Variants in ACADSB observed in about 807,000 individuals in gnomAD.
ACADSB encodes short/branched chain specific acyl-CoA dehydrogenase, mitochondrial.
In ACADSB, 40 loss-of-function variants were observed where a neutral mutation model predicts 54.1. That is an observed-to-expected ratio of 0.74 (90% CI 0.57 to 0.96). ACADSB has a LOEUF of 0.96. ACADSB is among the 40% of genes least tolerant of loss of function. The probability of loss-of-function intolerance (pLI) is 0.00; values close to 1 mark genes in which losing one functional copy is unlikely to be tolerated. For missense variants in ACADSB, 530 were observed against 510.4 expected, an observed-to-expected ratio of 1.04 and a Z score of -0.37; for synonymous variants, 182 against 182.8, an observed-to-expected ratio of 1.00 and a Z score of 0.03.
rs185665887 is a variant in ACADSB at position 123,043,350 on chromosome 10, A to G, written c.807+179A>G. 2.1e-3 allele frequency among the ~76,000 whole-genome samples: 316 copies of G among 152,354 alleles called. 3 individuals are homozygous for G. The highest frequency in any genetic ancestry group is 7.2e-3 in the African/African-American group (298 of 41,580). On this transcript the variant is annotated intron_variant, in intron 6 of 10. Coordinates refer to ENST00000358776, the MANE Select transcript of ACADSB (RefSeq NM_001609.4). Reference sequence around the variant, plus strand: ...TGACCAGATAAATGTACTTTTCACAAAAGTGGAAACCTTTCTGCCAAGAAG... The same window carrying G: ...TGACCAGATAAATGTACTTTTCACAGAAGTGGAAACCTTTCTGCCAAGAAG...
intron 1 of ACADSB, 70 bp from the exon 2 acceptor site, chr10:123,034,286 G>A (rs1246773792): frequency 2.7e-6 from 4 of 1,500,288 alleles, no homozygotes; most frequent in Admixed American, 1.7e-5. Context: ...TATAAGAATG[G>A]GTTATAAAGT....
At position 123,041,363 on chromosome 10, in the gene ACADSB, A is replaced by T. The variant is rs1164376386; in HGVS notation, c.665A>T (p.Asn222Ile). Reference sequence around the variant, plus strand: ...GCAGGGCTCTTTCTGGTGATGGCAAATGTAGACCCTACCATTGTAAGTTTG... The same window carrying T: ...GCAGGGCTCTTTCTGGTGATGGCAATTGTAGACCCTACCATTGTAAGTTTG... ...EHAGLFLVMANVDPTIGYKGI... is the reference protein window; with the variant it reads ...EHAGLFLVMAIVDPTIGYKGI... Residue 222 changes from asparagine (N) to isoleucine (I), a missense_variant, in exon 5 of 11, where the codon AAT becomes ATT. Transcript: ENST00000358776. The T allele has an allele frequency of 6.2e-7, 1 of 1,614,184 alleles. No individual in the cohort carries two copies. The highest frequency in any genetic ancestry group is 1.3e-5 in the African/African-American group (1 of 75,052).
intron 7 of ACADSB, among the ~76,000 whole-genome samples, chr10:123,046,074 G>A (rs1474878615): frequency 6.6e-6 from 1 of 152,128 alleles, no homozygotes; most frequent in East Asian, 1.9e-4. Context: ...TCAATATAGG[G>A]TATTATTTAT....
Position 123,053,677 on chromosome 10 carries a change from T to G in ACADSB, c.1229-18T>G, listed in dbSNP as rs750743967. 2 of 1,606,136 alleles carry G rather than the reference T, an allele frequency of 1.2e-6. No individual in the cohort carries two copies. The highest frequency in any genetic ancestry group is 2.2e-5 in the South Asian group (2 of 90,926). On this transcript the variant is annotated intron_variant, in intron 10 of 10. Coordinates refer to ENST00000358776, the MANE Select transcript of ACADSB (RefSeq NM_001609.4). ...TGCGCCAACTCCTCATTGTTCCTTCTGCTTCCTTTTGCTTAAGGTACGATA... is the reference window on the plus strand; with the variant it reads ...TGCGCCAACTCCTCATTGTTCCTTCGGCTTCCTTTTGCTTAAGGTACGATA...
At chr10:123,050,977 G>C (rs1850623460) in intron 8 of ACADSB, 72 bp from the exon 9 acceptor site, 1 of 1,537,518 alleles carries the variant, frequency 6.5e-7, no homozygotes, top group Non-Finnish European at 8.9e-7. Flanking sequence ...TGTGTATCTA[G>C]GCAGGACTTT....
chr10:123,014,644 C>T (rs1366847168), intron 1 of ACADSB, among the ~76,000 whole-genome samples: 3 of 152,182 alleles, frequency 2.0e-5, no homozygotes, highest in African/African-American at 7.2e-5. Flanking sequence ...AAAAAAATTA[C>T]ATTTTTAATT....
chr10:123,048,918 C>T (rs186571552), intron 8 of ACADSB, among the ~76,000 whole-genome samples: 104 of 152,194 alleles, frequency 6.8e-4, no homozygotes, highest in Non-Finnish European at 1.3e-3. Context: ...GTAGTAGAGA[C>T]GGGGTTTAAC....
intron 3 of ACADSB, 123 bp from the exon 4 acceptor site, chr10:123,040,343 T>C (rs761848406): frequency 1.2e-6 from 1 of 855,486 alleles, no homozygotes; most frequent in Non-Finnish European, 1.7e-6. Flanking sequence ...GGAGCAAGAC[T>C]GTCTCAAAAA....
At chr10:123,043,841 G>C (rs1326082537) in intron 6 of ACADSB, among the ~76,000 whole-genome samples, 1 of 152,118 alleles carries the variant, frequency 6.6e-6, no homozygotes, top group Non-Finnish European at 1.5e-5. Context: ...ACTAAGTATA[G>C]TTTTTTATTA....
chr10:123,045,747 A>T (rs1850553133), intron 7 of ACADSB, among the ~76,000 whole-genome samples: 1 of 152,178 alleles, frequency 6.6e-6, no homozygotes, highest in South Asian at 2.1e-4. Flanking sequence ...GACATTAGAA[A>T]CTGCAATACT....
In ACADSB at chr10:123,038,866, A is replaced by C. The variant is rs72840919; in HGVS notation, c.303+1019A>C. 5.3e-3 allele frequency among the ~76,000 whole-genome samples: 804 copies of C among 152,326 alleles called. 6 individuals carry two copies. The highest frequency in any genetic ancestry group is 8.1e-3 in the Non-Finnish European group (551 of 68,032). On this transcript the variant is annotated intron_variant, in intron 3 of 10. Coordinates refer to ENST00000358776, the MANE Select transcript of ACADSB (RefSeq NM_001609.4). Reference sequence around the variant, plus strand: ...ATGTGGAGAACAGATGGACTCTGTGAGTCCATTTCTCAGCCAGGTTTTATT... The same window carrying C: ...ATGTGGAGAACAGATGGACTCTGTGCGTCCATTTCTCAGCCAGGTTTTATT...
chr10:123,034,261 T>G (rs1850366042), intron 1 of ACADSB, 95 bp from the exon 2 acceptor site: 1 of 1,348,328 alleles, frequency 7.4e-7, no homozygotes, highest in Non-Finnish European at 1.0e-6. Context: ...GTTTCCTTAT[T>G]TTGGTGACAT....
chr10:123,049,544 A>G (rs1293864838), intron 8 of ACADSB, among the ~76,000 whole-genome samples: 1 of 152,238 alleles, frequency 6.6e-6, no homozygotes, highest in Non-Finnish European at 1.5e-5. Flanking sequence ...AGAATCTCTG[A>G]GTTCCACATA....
chr10:123,023,930 G>A (rs1048479681), intron 1 of ACADSB, among the ~76,000 whole-genome samples: 2 of 152,240 alleles, frequency 1.3e-5, no homozygotes, highest in African/African-American at 4.8e-5. Flanking sequence ...CTTTGGAGAG[G>A]TTGAAGTCTG....
In ACADSB at chr10:123,034,433, T is replaced by C; in HGVS notation, c.120T>C (p.Ala40=). The change falls in exon 2 of 11, where the codon GCT becomes GCC. Residue 40 remains alanine, a synonymous_variant. Transcript: ENST00000358776. ...TCTCAAAATCTTCCCAGTCAGAAGC[T>C]CTACTCAATATAACAAATAATGGAA... ...PHVSKSSQSE[A]LLNITNNGIH... The C allele has an allele frequency of 6.2e-7, 1 of 1,613,488 alleles. No homozygotes were observed. Among genetic ancestry groups the C allele is most frequent in the Non-Finnish European group, 8.5e-7 (1 of 1,179,780 alleles).
intron 1 of ACADSB, among the ~76,000 whole-genome samples, chr10:123,030,420 G>T (rs1310033389): frequency 3.3e-5 from 5 of 151,742 alleles, no homozygotes; most frequent in Non-Finnish European, 7.4e-5. Context: ...CTAGCTATTT[G>T]GGAGGCTGAG....
At chr10:123,034,610 C>T in intron 2 of ACADSB, 95 bp downstream of exon 2, 2 of 1,367,830 alleles carry the variant, frequency 1.5e-6, no homozygotes, top group Non-Finnish European at 2.0e-6. Context: ...CACCTCTGGG[C>T]TCAAGCTATC....
At chr10:123,050,349 G>A (rs1850612823) in intron 8 of ACADSB, among the ~76,000 whole-genome samples, 2 of 152,224 alleles carry the variant, frequency 1.3e-5, no homozygotes, top group Admixed American at 6.5e-5. Context: ...GTCACTCAGG[G>A]CGGTGCCTGC....
intron 7 of ACADSB, among the ~76,000 whole-genome samples, chr10:123,045,269 C>T (rs1234082329): frequency 6.9e-6 from 1 of 144,684 alleles, no homozygotes; most frequent in Non-Finnish European, 1.5e-5. Flanking sequence ...AGCTCCGCCT[C>T]CTGGGTTCAT....
Sources: allele counts gnomAD v4.1 joint callset (sites outside exome capture counted in the v4.1 genomes callset), GRCh38; gene constraint gnomAD v4.1.1; transcripts MANE v1.5; gene names NCBI Gene and HGNC (gene_info 2026-07-23, HGNC 2026-07-21).